The following ACTR3C variants were observed in gnomAD, a reference collection of about 807,000 sequenced individuals.
The protein encoded by ACTR3C is actin related protein 3C, also known as actin-related protein 3C.
Under a neutral mutation model 26.3 loss-of-function variants are expected in ACTR3C, and 18 were observed. That is an observed-to-expected ratio of 0.68 (90% CI 0.47 to 1.01). The LOEUF is 1.01. Among genes scored for constraint, ACTR3C ranks in the 50% least tolerant of loss-of-function variants. ACTR3C has a pLI of 0.00. For missense variants in ACTR3C, 184 were observed against 250.7 expected (o/e 0.73, Z 1.80); for synonymous variants, 55 against 94.5 (o/e 0.58, Z 2.42).
chr7:150,227,124 TTG>T, the ACTR3C span, among the ~76,000 whole-genome samples: 5 of 150,574 alleles, frequency 3.3e-5, no homozygotes, highest in East Asian at 1.9e-4. Context: ...CAACTTAACA[TTG>T]TGTGTGTGTG....
chr7:150,026,567 TAC>T, the ACTR3C span, among the ~76,000 whole-genome samples: 2 of 152,028 alleles, frequency 1.3e-5, no homozygotes, highest in Non-Finnish European at 2.9e-5. Flanking sequence ...ACACTACAAA[TAC>T]AGTTTCCCAT....
At chr7:150,194,352 G>A in the ACTR3C span, among the ~76,000 whole-genome samples, 1 of 147,314 alleles carries the variant, frequency 6.8e-6, no homozygotes, top group African/African-American at 2.5e-5. Flanking sequence ...AGAGGCAAAA[G>A]TCTTTTATAT....
At chr7:149,993,145 G>A in the ACTR3C span, among the ~76,000 whole-genome samples, 1 of 148,860 alleles carries the variant, frequency 6.7e-6, no homozygotes, top group African/African-American at 2.5e-5. Context: ...CCCACACTGA[G>A]GATGGGTCTT....
At chr7:150,037,124 G>C in the ACTR3C span, among the ~76,000 whole-genome samples, 11 of 94,962 alleles carry the variant, frequency 1.2e-4, no homozygotes, top group South Asian at 1.1e-3. Flanking sequence ...AAGAGGGACT[G>C]GCTCTCAGTC....
intron 1 of ACTR3C, chr7:150,302,872 C>T (rs2531021): frequency 3.9e-5 from 6 of 152,280 alleles, no homozygotes; most frequent in South Asian, 2.1e-4. Flanking sequence ...AAGCAGGAGA[C>T]GCAGCACATC....
At chr7:150,085,499 T>C in the ACTR3C span, among the ~76,000 whole-genome samples, 1 of 151,876 alleles carries the variant, frequency 6.6e-6, no homozygotes, top group African/African-American at 2.4e-5. Context: ...GCCATAAAAG[T>C]GGTGAGGAGA....
the ACTR3C span, among the ~76,000 whole-genome samples, chr7:150,127,042 C>G: frequency 5.3e-5 from 8 of 152,186 alleles, no homozygotes; most frequent in Admixed American, 4.6e-4. Flanking sequence ...AGTCCACACT[C>G]TGTTCTGAAC....
At chr7:149,893,735 A>G in the ACTR3C span, among the ~76,000 whole-genome samples, 11 of 152,262 alleles carry the variant, frequency 7.2e-5, no homozygotes, top group African/African-American at 2.2e-4. Flanking sequence ...ACCTAATTCC[A>G]TAAATATACT....
intron 6 of ACTR3C, among the ~76,000 whole-genome samples, chr7:150,281,406 GGAGCGTAGCAGGGAGTGCACC>G (rs1395242135): frequency 6.6e-6 from 1 of 150,564 alleles, no homozygotes; most frequent in East Asian, 1.9e-4. Flanking sequence ...GTTACAGAAG[GGAGCGTAGCAGGGAGTGCACC>G]GAGCAGGAGC....
chr7:150,142,568 G>A, the ACTR3C span, among the ~76,000 whole-genome samples: 1 of 152,076 alleles, frequency 6.6e-6, no homozygotes, highest in Non-Finnish European at 1.5e-5. Context: ...TCACTCCGTC[G>A]CCCAGGCTGG....
the ACTR3C span, among the ~76,000 whole-genome samples, chr7:150,186,892 G>T: frequency 2.0e-5 from 3 of 152,014 alleles, no homozygotes; most frequent in Non-Finnish European, 4.4e-5. Context: ...ACAAAAAAAA[G>T]GACTCATAGC....
At chr7:149,887,970 T>C in the ACTR3C span, among the ~76,000 whole-genome samples, 23 of 152,330 alleles carry the variant, frequency 1.5e-4, no homozygotes, top group Middle Eastern at 3.4e-3. Flanking sequence ...CTCCTCAACC[T>C]TGTGGAACTG....
the ACTR3C span, chr7:149,892,415 C>T: frequency 4.4e-6 from 7 of 1,587,858 alleles, no homozygotes; most frequent in Non-Finnish European, 6.0e-6. Flanking sequence ...AAAACACACA[C>T]ACACACAGAT....
chr7:150,039,581 C>T, the ACTR3C span, among the ~76,000 whole-genome samples: 2 of 134,396 alleles, frequency 1.5e-5, no homozygotes, highest in Middle Eastern at 0.01. Context: ...TCTCAGTAAT[C>T]CCACGTAAGG....
chr7:150,226,112 G>T, the ACTR3C span, among the ~76,000 whole-genome samples: 4 of 152,108 alleles, frequency 2.6e-5, no homozygotes, highest in African/African-American at 9.7e-5. Flanking sequence ...GAACATCTTG[G>T]TTACTTCTAG....
At chr7:149,968,501 C>T in the ACTR3C span, among the ~76,000 whole-genome samples, 3 of 152,166 alleles carry the variant, frequency 2.0e-5, no homozygotes, top group Admixed American at 2.0e-4. Flanking sequence ...CCACTGCACT[C>T]CAGCCTGGGT....
the ACTR3C span, among the ~76,000 whole-genome samples, chr7:149,992,941 G>A: frequency 1.6e-3 from 236 of 152,200 alleles, 1 homozygote; most frequent in African/African-American, 5.3e-3. Flanking sequence ...AGAGCCCCCG[G>A]CAAACCACTA....
chr7:150,275,712 C>CAA, intron 6 of ACTR3C, among the ~76,000 whole-genome samples: 1 of 144,550 alleles, frequency 6.9e-6, no homozygotes. Context: ...AACTCTGTCT[C>CAA]AAAAAAAAAA....
At chr7:149,975,629 A>G in the ACTR3C span, among the ~76,000 whole-genome samples, 1 of 152,216 alleles carries the variant, frequency 6.6e-6, no homozygotes, top group Non-Finnish European at 1.5e-5. Context: ...TCATGCTGCT[A>G]TGAAGAAATA....
Sources: allele counts gnomAD v4.1 joint callset (sites outside exome capture counted in the v4.1 genomes callset), GRCh38; gene constraint gnomAD v4.1.1; transcripts MANE v1.5; gene names NCBI Gene and HGNC (gene_info 2026-07-23, HGNC 2026-07-21).